The following XRCC4 variants were observed in gnomAD, a reference collection of about 807,000 sequenced individuals.
XRCC4 encodes DNA repair protein XRCC4.
In XRCC4, 28 loss-of-function variants were observed where a neutral mutation model predicts 39.1. That is an observed-to-expected ratio of 0.72 (90% CI 0.53 to 0.98). The LOEUF is 0.98. Ranked by LOEUF, XRCC4 falls within the 50% of genes least tolerant of loss-of-function variation. The pLI is 0.00. For missense variants in XRCC4, 350 were observed against 376.4 expected (o/e 0.93, Z 0.58); for synonymous variants, 123 against 126.4 (o/e 0.97, Z 0.18).
chr5:83,229,036 C>T (rs1400022860), intron 6 of XRCC4, among the ~76,000 whole-genome samples: 2 of 151,522 alleles, frequency 1.3e-5, no homozygotes, highest in Non-Finnish European at 2.9e-5. Context: ...CATTTGGAGA[C>T]TTGTTGAATG....
intron 3 of XRCC4, among the ~76,000 whole-genome samples, chr5:83,132,929 A>G (rs11958314): frequency 0.48 from 73,651 of 151,898 alleles, 18,843 homozygotes; most frequent in African/African-American, 0.63. Flanking sequence ...TCCTTTGCTG[A>G]CGAGGAGCTG....
At chr5:83,189,784 G>T (rs1750611910) in intron 3 of XRCC4, among the ~76,000 whole-genome samples, 2 of 152,096 alleles carry the variant, frequency 1.3e-5, no homozygotes, top group South Asian at 4.1e-4. Flanking sequence ...AACATTTCAG[G>T]CCAGACTCAG....
At chr5:83,279,967 G>T in intron 7 of XRCC4, 2 of 179,544 alleles carry the variant, frequency 1.1e-5, no homozygotes, top group South Asian at 2.7e-4. Context: ...TTTATTTCTG[G>T]ACTATACAAC....
At chr5:83,258,261 T>C (rs755001444) in intron 6 of XRCC4, among the ~76,000 whole-genome samples, 10 of 152,112 alleles carry the variant, frequency 6.6e-5, no homozygotes, top group Non-Finnish European at 1.2e-4. Flanking sequence ...ACTATCTCCA[T>C]TAAATCTCCA....
intron 7 of XRCC4, among the ~76,000 whole-genome samples, chr5:83,325,120 G>A (rs1382272984): frequency 6.6e-6 from 1 of 151,966 alleles, no homozygotes; most frequent in East Asian, 1.9e-4. Context: ...TTGCAATGAG[G>A]CTGGAAATGT....
intron 7 of XRCC4, among the ~76,000 whole-genome samples, chr5:83,284,849 G>C (rs1754679517): frequency 6.6e-6 from 1 of 152,028 alleles, no homozygotes; most frequent in Non-Finnish European, 1.5e-5. Flanking sequence ...TATTAGAATA[G>C]CACTACCTGA....
chr5:83,265,749 A>G (rs564525002), intron 7 of XRCC4, among the ~76,000 whole-genome samples: 5 of 152,228 alleles, frequency 3.3e-5, no homozygotes, highest in Admixed American at 1.3e-4. Flanking sequence ...TGATTATTAA[A>G]TGTATCATAG....
intron 6 of XRCC4, among the ~76,000 whole-genome samples, chr5:83,229,800 C>T (rs924254561): frequency 2.0e-5 from 3 of 150,656 alleles, no homozygotes; most frequent in Non-Finnish European, 3.0e-5. Context: ...GTTTCAGTCT[C>T]ATTAAATACT....
chr5:83,228,852 ACATTGTACTG>A (rs916072264), intron 6 of XRCC4, among the ~76,000 whole-genome samples: 1 of 152,016 alleles, frequency 6.6e-6, no homozygotes, highest in African/African-American at 2.4e-5. Flanking sequence ...TTTATTTTAA[ACATTGTACTG>A]TCTCCTTTTT....
At chr5:83,263,895 G>T (rs1430018888) in intron 7 of XRCC4, among the ~76,000 whole-genome samples, 1 of 151,592 alleles carries the variant, frequency 6.6e-6, no homozygotes. Context: ...ATTGCTTTTG[G>T]TGTTTTAGAC....
chr5:83,253,388 ATT>A (rs377166052), intron 6 of XRCC4, among the ~76,000 whole-genome samples: 2 of 146,712 alleles, frequency 1.4e-5, no homozygotes, highest in African/African-American at 2.5e-5. Flanking sequence ...AACAGTACAC[ATT>A]TTTTTTTTTC....
intron 3 of XRCC4, among the ~76,000 whole-genome samples, chr5:83,145,768 C>G (rs1425279104): frequency 6.6e-6 from 1 of 151,944 alleles, no homozygotes; most frequent in East Asian, 1.9e-4. Context: ...TATTTGAGCC[C>G]TCACTCAGGT....
intron 6 of XRCC4, among the ~76,000 whole-genome samples, chr5:83,206,164 A>C (rs1433138235): frequency 1.3e-5 from 2 of 152,138 alleles, no homozygotes; most frequent in Non-Finnish European, 2.9e-5. Context: ...ACATAATCTG[A>C]CTCAAATTTC....
intron 7 of XRCC4, among the ~76,000 whole-genome samples, chr5:83,312,359 G>A: frequency 6.6e-6 from 1 of 152,058 alleles, no homozygotes; most frequent in East Asian, 1.9e-4. Flanking sequence ...AGAGTTTGAG[G>A]TTATTAGACC....
intron 7 of XRCC4, among the ~76,000 whole-genome samples, chr5:83,335,151 C>T (rs963774822): frequency 6.6e-6 from 1 of 151,896 alleles, no homozygotes; most frequent in East Asian, 1.9e-4. Context: ...ACCCACCCTA[C>T]CTAAGTTTTA....
At chr5:83,243,385 T>C (rs1752985863) in intron 6 of XRCC4, among the ~76,000 whole-genome samples, 1 of 152,198 alleles carries the variant, frequency 6.6e-6, no homozygotes, top group Non-Finnish European at 1.5e-5. Flanking sequence ...ATTTGGTTTC[T>C]CCTGAGACCT....
At chr5:83,254,562 A>G (rs1186542699) in intron 6 of XRCC4, among the ~76,000 whole-genome samples, 1 of 152,182 alleles carries the variant, frequency 6.6e-6, no homozygotes, top group Non-Finnish European at 1.5e-5. Flanking sequence ...ATATATATAT[A>G]AGGTAATGAA....
chr5:83,137,657 A>C (rs926316380), intron 3 of XRCC4, among the ~76,000 whole-genome samples: 5 of 152,082 alleles, frequency 3.3e-5, no homozygotes, highest in African/African-American at 1.2e-4. Context: ...CAGCTTATTC[A>C]ACTGTTTGTC....
At chr5:83,201,012 C>G (rs745355355) in intron 4 of XRCC4, among the ~76,000 whole-genome samples, 1 of 152,062 alleles carries the variant, frequency 6.6e-6, no homozygotes, top group African/African-American at 2.4e-5. Flanking sequence ...TCTCAGAGAA[C>G]TTTGCTTAAT....
Sources: allele counts gnomAD v4.1 joint callset (sites outside exome capture counted in the v4.1 genomes callset), GRCh38; gene constraint gnomAD v4.1.1; transcripts MANE v1.5; gene names NCBI Gene and HGNC (gene_info 2026-07-23, HGNC 2026-07-21).